Variants in ZFYVE28 observed in about 807,000 individuals in gnomAD.
ZFYVE28 encodes lateral signaling target protein 2 homolog.
In ZFYVE28, 40 loss-of-function variants were observed where a neutral mutation model predicts 82.1. That is an observed-to-expected ratio of 0.49 (90% CI 0.38 to 0.63). The LOEUF (loss-of-function observed/expected upper bound fraction) is 0.63. Among genes scored for constraint, ZFYVE28 ranks in the 30% least tolerant of loss-of-function variants. ZFYVE28 has a pLI of 0.00. For missense variants in ZFYVE28, 1,321 were observed against 1,242.1 expected (o/e 1.06, Z -0.96); for synonymous variants, 612 against 546.1 (o/e 1.12, Z -1.68).
At position 2,416,967 on chromosome 4, in the gene ZFYVE28, C is replaced by G. The variant is rs976099033; in HGVS notation, c.39+1318G>C. 5.3e-5 allele frequency among the ~76,000 whole-genome samples: 8 copies of G among 152,246 alleles called. No homozygotes were observed. The highest frequency in any genetic ancestry group is 1.9e-4 in the African/African-American group (8 of 41,472). ...TGAGTGAGCCCTCAAACCTCCGTGC[C>G]GATCTTCCAAACCCACCTCCCGCCT... On this transcript the variant is annotated intron_variant, in intron 1 of 12. Transcript: ENST00000290974. This position sits in a 1 kb window ranked among gnomAD's most constrained non-coding sequence, Gnocchi z 4.6.
intron 2 of ZFYVE28, among the ~76,000 whole-genome samples, chr4:2,346,596 A>G (rs1723635740): frequency 6.6e-6 from 1 of 152,228 alleles, no homozygotes; most frequent in Admixed American, 6.5e-5. Flanking sequence ...TATGGCAACA[A>G]TAGCACAAGG....
chr4:2,270,555 G>T lies in ZFYVE28; in HGVS notation c.*170C>A. 9.9e-7 allele frequency: 1 copy of T among 1,014,742 alleles called. No individual in the cohort carries two copies. Among genetic ancestry groups the T allele is most frequent in the Non-Finnish European group, 1.4e-6 (1 of 701,080 alleles). The allele number at this position is 1,014,742 out of a possible 1,614,324, so 62.9% of individuals were successfully genotyped here. A position where few individuals can be genotyped will look rare whatever the true frequency, so the allele number is the denominator to read the frequency against. ...CCCCTGCAGCCGGCCCGGGGTCCCT[G>T]CAGGGAGGCTAGCGTGGGCAGGACA... On this transcript the variant is annotated 3_prime_UTR_variant, in exon 13 of 13. Transcript: ENST00000290974.
Position 2,304,708 on chromosome 4 carries a change from C to T in ZFYVE28, c.1632G>A (p.Gly544=). ...TAAGCTTGTGGGGGCCGCCATCCAT[C>T]CCCTCGGCCACGGGCTCCGAGGCGG... ...QEAASEPVAE[G]MDGGPHKLST... is the part of the protein sequence containing the mutation. The change falls in exon 8 of 13, where the codon GGG becomes GGA. Residue 544 remains glycine (G), a synonymous_variant. Coordinates refer to ENST00000290974, the MANE Select transcript of ZFYVE28 (RefSeq NM_020972.3). 6.2e-7 allele frequency: 1 copy of T among 1,612,682 alleles called. No homozygotes were observed. Among genetic ancestry groups the T allele is most frequent in the African/African-American group, 1.3e-5 (1 of 75,064 alleles).
In ZFYVE28 at chr4:2,389,163, C is replaced by A. The variant is rs1218330689; in HGVS notation, c.39+29122G>T. On this transcript the variant is annotated intron_variant, in intron 1 of 12. Coordinates refer to ENST00000290974, the MANE Select transcript of ZFYVE28 (RefSeq NM_020972.3). ...TAGATCCACCCCATCCCCCTACAAT[C>A]CTAATGGCTACAGCCTAACCCCACT... 4.6e-5 allele frequency among the ~76,000 whole-genome samples: 7 copies of A among 152,308 alleles called. No homozygotes were observed. In the East Asian group the frequency reaches 1.3e-3, roughly 29 times the overall value.
intron 11 of ZFYVE28, 67 bp downstream of exon 11, chr4:2,271,608 C>A (rs879248270): frequency 5.2e-6 from 8 of 1,543,158 alleles, no homozygotes; most frequent in East Asian, 2.3e-5. Flanking sequence ...AGGAGGAAGG[C>A]TCCTGTGGCT....
At position 2,274,179 on chromosome 4, in the gene ZFYVE28, C is replaced by T. The variant is rs1736184511; in HGVS notation, c.2089G>A (p.Gly697Arg). 6.2e-7 allele frequency: 1 copy of T among 1,613,716 alleles called. No individual in the cohort carries two copies. The highest frequency in any genetic ancestry group is 1.3e-5 in the African/African-American group (1 of 74,894). ...GTGGCTGCTGGGGCCGCCTCTGGCC[C>T]CATCTTGTCTGAGGAGCAGGACCCA... is the stretch of plus-strand genomic sequence containing the variant. ...TAGSCSSDKM[G>R]PEAAPAATHA... The change falls in exon 9 of 13, where the codon GGG becomes AGG. Residue 697 changes from glycine (G) to arginine (R), a missense_variant. This residue lies in a region of ZFYVE28 where 978 missense variants were observed against 833.7 expected (regional missense o/e 1.17). Transcript: ENST00000290974.
chr4:2,349,781 G>A (rs563113723), intron 2 of ZFYVE28, among the ~76,000 whole-genome samples: 24 of 151,820 alleles, frequency 1.6e-4, no homozygotes, highest in Middle Eastern at 3.4e-3. Context: ...GATAATCTCC[G>A]TTGACACACA....
intron 6 of ZFYVE28, among the ~76,000 whole-genome samples, chr4:2,331,510 G>C (rs1389011334): frequency 2.0e-5 from 3 of 151,884 alleles, no homozygotes; most frequent in Non-Finnish European, 4.4e-5. Context: ...AAAATAAAAA[G>C]TTAAAAACAA....
chr4:2,275,081 C>G (rs925721904), intron 8 of ZFYVE28, among the ~76,000 whole-genome samples: 8 of 152,118 alleles, frequency 5.3e-5, no homozygotes, highest in Non-Finnish European at 2.9e-5. Context: ...CCAGGGGCCT[C>G]TGCACAAGAC....
rs373919263 is a variant in ZFYVE28, at chr4:2,335,665, G to T, written c.701+40C>A. ...TGGCACCATCAGCCCTGCCCGTCCC[G>T]CAGGTTTCTGCAGAGGTCCTGGGCA... On this transcript the variant is annotated intron_variant, in intron 6 of 12. Coordinates refer to ENST00000290974, the MANE Select transcript of ZFYVE28 (RefSeq NM_020972.3). This position sits in a 1 kb window ranked among gnomAD's most constrained non-coding sequence, Gnocchi z 5.8. The T allele has an allele frequency of 1.3e-6, 2 of 1,542,520 alleles. No individual in the cohort carries two copies. The highest frequency in any genetic ancestry group is 4.8e-5 in the East Asian group (2 of 41,272).
rs200392611 is a variant in ZFYVE28 at position 2,304,541 on chromosome 4, G to C, written c.1799C>G (p.Ala600Gly). ...CTCAGGGGCCCTGTCGCTGGCCTTG[G>C]CTAAGCCGGCAGCGTACGAGGCACC... ...VIGASYAAGLAKASDRAPERQ... is the reference protein window; with the variant it reads ...VIGASYAAGLGKASDRAPERQ... Residue 600 changes from alanine (A) to glycine (G), a missense_variant, in exon 8 of 13, where the codon GCC becomes GGC. Coordinates refer to ENST00000290974, the MANE Select transcript of ZFYVE28 (RefSeq NM_020972.3). The C allele has an allele frequency of 2.4e-5, 38 of 1,612,642 alleles. No homozygotes were observed. Among genetic ancestry groups the C allele is most frequent in the Middle Eastern group, 3.3e-4 (2 of 6,082 alleles).
intron 7 of ZFYVE28, among the ~76,000 whole-genome samples, chr4:2,315,541 G>C (rs1332426141): frequency 6.6e-6 from 1 of 152,198 alleles, no homozygotes; most frequent in East Asian, 1.9e-4. Context: ...CCAAAGTGCT[G>C]GGATCACAGG....
At chr4:2,398,931 G>C (rs1296021867) in intron 1 of ZFYVE28, among the ~76,000 whole-genome samples, 1 of 127,844 alleles carries the variant, frequency 7.8e-6, no homozygotes, top group Admixed American at 7.7e-5. Flanking sequence ...GGGCACAAGC[G>C]GGGGCAAGAT....
Position 2,372,714 on chromosome 4 carries a change from G to A in ZFYVE28, c.40-18641C>T, listed in dbSNP as rs1727700595. 1.3e-5 allele frequency among the ~76,000 whole-genome samples: 2 copies of A among 152,140 alleles called. No homozygotes were observed. The highest frequency in any genetic ancestry group is 6.5e-5 in the Admixed American group (1 of 15,280). ...CAGAGGCAGGGGCAGGCACTCCAGG[G>A]CTTCGCTGATTGTGTCAGTTAAACT... On this transcript the variant is annotated intron_variant, in intron 1 of 12. Transcript: ENST00000290974. The surrounding 1 kb of genome is among the most constrained non-coding windows in gnomAD (Gnocchi z 5.2).
intron 1 of ZFYVE28, among the ~76,000 whole-genome samples, chr4:2,383,032 C>A (rs1728886969): frequency 6.6e-6 from 1 of 152,142 alleles, no homozygotes. Context: ...GTCCCTCTCA[C>A]AACATGTGGG....
chr4:2,330,055 T>C (rs1219088384), intron 6 of ZFYVE28: 1 of 157,878 alleles, frequency 6.3e-6, no homozygotes, highest in African/African-American at 2.4e-5. Context: ...AATAACCCAA[T>C]AGCCAAATCT....
intron 8 of ZFYVE28, among the ~76,000 whole-genome samples, chr4:2,275,756 G>T (rs569991114): frequency 6.6e-6 from 1 of 152,348 alleles, no homozygotes; most frequent in African/African-American, 2.4e-5. Context: ...GTAAAGCCAG[G>T]GCTGTCTACA....
intron 7 of ZFYVE28, among the ~76,000 whole-genome samples, chr4:2,308,554 G>C (rs1319815721): frequency 6.8e-6 from 1 of 148,088 alleles, no homozygotes; most frequent in Non-Finnish European, 1.5e-5. Context: ...AATGCAGAAA[G>C]AAAGAGAAAG....
At chr4:2,305,723 G>T (rs899397011) in intron 7 of ZFYVE28, among the ~76,000 whole-genome samples, 187 bp from the exon 8 acceptor site, 1 of 152,208 alleles carries the variant, frequency 6.6e-6, no homozygotes, top group African/African-American at 2.4e-5. Context: ...CGGTCTCGCC[G>T]GCCAGGACAA....
Sources: allele counts gnomAD v4.1 joint callset (sites outside exome capture counted in the v4.1 genomes callset), GRCh38; gene constraint gnomAD v4.1.1; regional missense constraint gnomAD v4.1.1; non-coding constraint Gnocchi (gnomAD v3.1); transcripts MANE v1.5; gene names NCBI Gene and HGNC (gene_info 2026-07-23, HGNC 2026-07-21).